The following IQCK variants were observed in gnomAD, a reference collection of about 807,000 sequenced individuals.
IQCK encodes IQ motif containing K.
In IQCK, 29 loss-of-function variants were observed where a neutral mutation model predicts 28.1. That is an observed-to-expected ratio of 1.03 (90% confidence interval 0.77 to 1.41). IQCK has a LOEUF of 1.41. Among genes scored for constraint, IQCK ranks in the 40% most tolerant of loss-of-function variants. IQCK has a pLI of 0.00. For synonymous variants in IQCK, 113 were observed against 115.1 expected, an observed-to-expected ratio of 0.98 and a Z score of 0.12; for missense variants, 359 against 314.7, an observed-to-expected ratio of 1.14 and a Z score of -1.07.
At chr16:19,777,703 G>A (rs1204158639) in intron 6 of IQCK, among the ~76,000 whole-genome samples, 1 of 152,140 alleles carries the variant, frequency 6.6e-6, no homozygotes, top group Non-Finnish European at 1.5e-5. Context: ...TTTCTCAGGC[G>A]CACTCAGTAC....
chr16:19,828,850 C>CA (rs942676181), downstream of IQCK, among the ~76,000 whole-genome samples: 180 of 125,618 alleles, frequency 1.4e-3, no homozygotes, highest in African/African-American at 1.9e-3. Flanking sequence ...GACACCGTCT[C>CA]AAAAAAAATA....
intron 9 of IQCK, among the ~76,000 whole-genome samples, chr16:19,838,323 G>A (rs1051885111): frequency 6.6e-6 from 1 of 152,196 alleles, no homozygotes; most frequent in South Asian, 2.1e-4. Context: ...AGAGAAGAGG[G>A]AGGCATGAAT....
At chr16:19,842,990 CAAAGGTGT>C (rs1385292424) in intron 9 of IQCK, among the ~76,000 whole-genome samples, 1 of 152,040 alleles carries the variant, frequency 6.6e-6, no homozygotes, top group Non-Finnish European at 1.5e-5. Flanking sequence ...CTGACTCTTG[CAAAGGTGT>C]AAGTTTTATC....
chr16:19,740,072 G>T (rs1750082063), intron 4 of IQCK, among the ~76,000 whole-genome samples: 1 of 152,208 alleles, frequency 6.6e-6, no homozygotes, highest in Non-Finnish European at 1.5e-5. Context: ...ATCCCTCCTA[G>T]TAAATGGGAG....
exon 1 of IQCK, chr16:19,718,327 C>A (rs1977317828): frequency 6.2e-7 from 1 of 1,608,774 alleles, no homozygotes; most frequent in African/African-American, 1.3e-5. Context: ...CGCGGCAAAT[C>A]CCCAGCCACA....
chr16:19,845,771 G>T (rs1056584003), intron 9 of IQCK, among the ~76,000 whole-genome samples: 1 of 152,154 alleles, frequency 6.6e-6, no homozygotes, highest in Non-Finnish European at 1.5e-5. Flanking sequence ...TGCATTACTT[G>T]TGTGATAACA....
intron 6 of IQCK, among the ~76,000 whole-genome samples, chr16:19,785,049 C>T (rs1567556422): frequency 6.6e-6 from 1 of 152,092 alleles, no homozygotes; most frequent in Non-Finnish European, 1.5e-5. Context: ...GATTACAGGC[C>T]CATGAGCCAC....
At chr16:19,735,992 A>G (rs962901766) in intron 4 of IQCK, 2 of 401,846 alleles carry the variant, frequency 5.0e-6, no homozygotes, top group African/African-American at 4.2e-5. Flanking sequence ...CTTGAGGCCC[A>G]AAGTTTGAGG....
intron 4 of IQCK, among the ~76,000 whole-genome samples, chr16:19,737,039 G>A (rs561920371): frequency 2.1e-4 from 32 of 151,620 alleles, no homozygotes; most frequent in African/African-American, 7.3e-4. Context: ...GTGCATACCT[G>A]TAGTCCCAGC....
chr16:19,764,212 C>A, intron 6 of IQCK, 100 bp downstream of exon 6: 1 of 979,360 alleles, frequency 1.0e-6, no homozygotes, highest in Non-Finnish European at 1.6e-6. Flanking sequence ...GTGATCCATC[C>A]AGGACTCTGG....
At chr16:19,727,019 T>C (rs1461659295) in intron 1 of IQCK, among the ~76,000 whole-genome samples, 1 of 151,460 alleles carries the variant, frequency 6.6e-6, no homozygotes, top group Non-Finnish European at 1.5e-5. Context: ...TAATCCCAGC[T>C]ACTTGGGAGG....
intron 4 of IQCK, among the ~76,000 whole-genome samples, chr16:19,737,573 C>A (rs952663608): frequency 6.6e-6 from 1 of 152,098 alleles, no homozygotes; most frequent in Non-Finnish European, 1.5e-5. Context: ...TTGGGTAGCA[C>A]GCTTAGGAAG....
At chr16:19,733,923 A>G (rs1977922460) in intron 3 of IQCK, 96 bp downstream of exon 3, 1 of 1,123,702 alleles carries the variant, frequency 8.9e-7, no homozygotes, top group African/African-American at 1.6e-5. Flanking sequence ...CCTCAGGGAG[A>G]CCACATACAT....
chr16:19,849,101 G>A (rs761949526), intron 9 of IQCK, among the ~76,000 whole-genome samples: 3 of 151,980 alleles, frequency 2.0e-5, no homozygotes, highest in Non-Finnish European at 2.9e-5. Flanking sequence ...TACTGTTTAG[G>A]TGTTGATTAC....
intron 7 of IQCK, among the ~76,000 whole-genome samples, chr16:19,791,684 A>AT (rs1162170006): frequency 6.9e-6 from 1 of 144,832 alleles, no homozygotes; most frequent in Non-Finnish European, 1.5e-5. Context: ...TTATCATACC[A>AT]ACAAACGCTG....
At chr16:19,844,692 T>C (rs1453839752) in intron 9 of IQCK, among the ~76,000 whole-genome samples, 3 of 152,228 alleles carry the variant, frequency 2.0e-5, no homozygotes, top group Non-Finnish European at 4.4e-5. Flanking sequence ...GAACGCCGGT[T>C]GAAACTCAAA....
At chr16:19,822,385 C>CAA (rs1216507836) in intron 7 of IQCK, among the ~76,000 whole-genome samples, 65 of 60,938 alleles carry the variant, frequency 1.1e-3, no homozygotes, top group South Asian at 3.5e-3. Flanking sequence ...GACTCTGTCT[C>CAA]AAAAAAAAAA....
rs1309252498 is a variant in IQCK, at chr16:19,825,902, G to C, written c.691-1124G>C. Among the ~76,000 whole-genome samples the C allele has an allele frequency of 6.6e-6, 1 of 152,208 alleles. No homozygotes were observed. The highest frequency in any genetic ancestry group is 1.9e-4 in the East Asian group (1 of 5,194). On this transcript the variant is annotated intron_variant, in intron 7 of 7. Transcript: ENST00000564186. This position sits in a 1 kb window ranked among gnomAD's most constrained non-coding sequence, Gnocchi z 4.2. ...TAGAACTGTGCTGTTCTATATAGTA[G>C]CCACCAGCTACATGTGTCTGTTGAG...
intron 9 of IQCK, among the ~76,000 whole-genome samples, chr16:19,853,612 T>C (rs1454293749): frequency 6.6e-6 from 1 of 152,198 alleles, no homozygotes; most frequent in Non-Finnish European, 1.5e-5. Flanking sequence ...CCAGCATCTG[T>C]CTGTCTGCCA....
Sources: allele counts gnomAD v4.1 joint callset (sites outside exome capture counted in the v4.1 genomes callset), GRCh38; gene constraint gnomAD v4.1.1; non-coding constraint Gnocchi (gnomAD v3.1); transcripts MANE v1.5; gene names NCBI Gene and HGNC (gene_info 2026-07-23, HGNC 2026-07-21).